The following PPFIA2 variants were observed in gnomAD, a reference collection of about 807,000 sequenced individuals.
PPFIA2 encodes the protein liprin-alpha-2.
A neutral mutation model predicts 175.5 loss-of-function variants in PPFIA2; 46 were observed. The ratio of observed to expected loss-of-function variants is 0.26; its 90% CI spans 0.21 to 0.34. The LOEUF (loss-of-function observed/expected upper bound fraction) is 0.34, where lower values mean the gene tolerates loss of function less well. PPFIA2 is among the 10% of genes least tolerant of loss of function. The probability of loss-of-function intolerance (pLI) is 1.00; values close to 1 mark genes in which losing one functional copy is unlikely to be tolerated. For missense variants in PPFIA2, 1,179 were observed against 1,506.1 expected (o/e 0.78, Z 3.60); for synonymous variants, 568 against 511.4 (o/e 1.11, Z -1.49).
At position 81,395,531 on chromosome 12, in the gene PPFIA2, T is replaced by C. The variant is rs577433028; in HGVS notation, c.762+10256A>G. ...AATCCTTAGAACCAAGATCTGTCTCTGACCTTCCTCTCCTCCCTTTCTCTC... is the reference window on the plus strand; with the variant it reads ...AATCCTTAGAACCAAGATCTGTCTCCGACCTTCCTCTCCTCCCTTTCTCTC... On this transcript the variant is annotated intron_variant, in intron 8 of 32. Coordinates refer to ENST00000549396, the MANE Select transcript of PPFIA2 (RefSeq NM_003625.5). Among the ~76,000 whole-genome samples, 11 of 147,612 alleles carry C rather than the reference T, an allele frequency of 7.5e-5. No homozygotes were observed. The East Asian group carries it at 1.7e-3, about 23-fold the overall frequency.
intron 4 of PPFIA2, among the ~76,000 whole-genome samples, chr12:81,508,320 G>A (rs1343899209): frequency 2.0e-5 from 3 of 151,756 alleles, no homozygotes; most frequent in East Asian, 1.9e-4. Context: ...TCGGGAGGTC[G>A]AGACCAGCCT....
At chr12:81,359,201 T>G (rs1486050486) in intron 15 of PPFIA2, among the ~76,000 whole-genome samples, 3 of 152,042 alleles carry the variant, frequency 2.0e-5, no homozygotes, top group African/African-American at 4.8e-5. Flanking sequence ...ACTCTCTTTT[T>G]CAGTTATTCT....
At chr12:81,386,301 A>AC (rs2038926770) in intron 8 of PPFIA2, among the ~76,000 whole-genome samples, 2 of 149,714 alleles carry the variant, frequency 1.3e-5, no homozygotes, top group Non-Finnish European at 3.0e-5. Flanking sequence ...ATAAATAAAT[A>AC]AATAAATAAA....
chr12:81,407,073 A>C (rs1192425558), intron 7 of PPFIA2, among the ~76,000 whole-genome samples: 1 of 152,184 alleles, frequency 6.6e-6, no homozygotes, highest in Non-Finnish European at 1.5e-5. Context: ...AACTGTAAAC[A>C]CCAAATAATT....
intron 4 of PPFIA2, among the ~76,000 whole-genome samples, chr12:81,476,247 G>A (rs910770043): frequency 1.3e-5 from 2 of 152,200 alleles, no homozygotes; most frequent in Non-Finnish European, 2.9e-5. Context: ...TGAAAGTGAT[G>A]TTGAGAGTTT....
intron 3 of PPFIA2, among the ~76,000 whole-genome samples, chr12:81,682,041 G>A (rs2073737006): frequency 1.3e-5 from 2 of 151,946 alleles, no homozygotes; most frequent in African/African-American, 4.8e-5. Flanking sequence ...TCAATTATGG[G>A]CATTTTAAAA....
intron 4 of PPFIA2, among the ~76,000 whole-genome samples, chr12:81,588,224 A>G (rs1422023093): frequency 6.6e-6 from 1 of 152,072 alleles, no homozygotes; most frequent in African/African-American, 2.4e-5. Context: ...TATAAAATAA[A>G]GCTAATACAC....
intron 4 of PPFIA2, among the ~76,000 whole-genome samples, chr12:81,609,543 T>C (rs2060674930): frequency 6.6e-6 from 1 of 152,206 alleles, no homozygotes; most frequent in Non-Finnish European, 1.5e-5. Flanking sequence ...TCATTGTCCT[T>C]CTTAATTTTT....
chr12:81,649,703 A>G (rs1378560223), intron 4 of PPFIA2, among the ~76,000 whole-genome samples: 2 of 152,238 alleles, frequency 1.3e-5, no homozygotes, highest in Non-Finnish European at 2.9e-5. Flanking sequence ...ACAGAAAACT[A>G]TTCAACAATA....
chr12:81,407,387 C>A (rs1473737046), intron 7 of PPFIA2, among the ~76,000 whole-genome samples: 1 of 151,522 alleles, frequency 6.6e-6, no homozygotes, highest in Non-Finnish European at 1.5e-5. Context: ...GGAGGCTGAG[C>A]CAGGAGAATC....
At chr12:81,481,600 T>A (rs2058236681) in intron 4 of PPFIA2, among the ~76,000 whole-genome samples, 1 of 152,066 alleles carries the variant, frequency 6.6e-6, no homozygotes, top group Non-Finnish European at 1.5e-5. Flanking sequence ...TCTACCACTA[T>A]CTGATCTTTG....
At chr12:81,264,876 C>T (rs572358239) in intron 30 of PPFIA2, among the ~76,000 whole-genome samples, 47 of 152,300 alleles carry the variant, frequency 3.1e-4, no homozygotes, top group Non-Finnish European at 6.5e-4. Context: ...GCAGCCTCTA[C>T]GACTTCTTGA....
intron 4 of PPFIA2, among the ~76,000 whole-genome samples, chr12:81,497,476 G>T (rs1171771599): frequency 6.6e-6 from 1 of 150,424 alleles, no homozygotes; most frequent in Non-Finnish European, 1.5e-5. Flanking sequence ...TAGAAAAAGG[G>T]TCTCCTGCCT....
At chr12:81,264,763 GCA>G (rs746895470) in intron 30 of PPFIA2, among the ~76,000 whole-genome samples, 14 of 152,206 alleles carry the variant, frequency 9.2e-5, no homozygotes, top group Non-Finnish European at 1.8e-4. Context: ...TAGCCATTTT[GCA>G]CATTAAGAGA....
intron 4 of PPFIA2, among the ~76,000 whole-genome samples, chr12:81,561,517 C>A (rs185091992): frequency 0.015 from 2,236 of 151,330 alleles, 47 homozygotes; most frequent in East Asian, 0.042. Flanking sequence ...AGTCCCCCCC[C>A]AAAAAAAACG....
At chr12:81,370,509 T>C (rs1189260965) in intron 11 of PPFIA2, among the ~76,000 whole-genome samples, 1 of 151,912 alleles carries the variant, frequency 6.6e-6, no homozygotes, top group Non-Finnish European at 1.5e-5. Context: ...TTGACAACAA[T>C]GCTGTGAGAA....
chr12:81,541,989 A>G (rs879417761), intron 4 of PPFIA2, among the ~76,000 whole-genome samples: 1 of 151,900 alleles, frequency 6.6e-6, no homozygotes, highest in Non-Finnish European at 1.5e-5. Context: ...TTTAATATAG[A>G]TGTAGATGGA....
chr12:81,648,003 A>C (rs1022589894), intron 4 of PPFIA2, among the ~76,000 whole-genome samples: 3 of 144,904 alleles, frequency 2.1e-5, no homozygotes, highest in African/African-American at 7.6e-5. Flanking sequence ...AACCAAAAGG[A>C]AAAAAAAAAC....
At chr12:81,500,724 C>T (rs1413580871) in intron 4 of PPFIA2, among the ~76,000 whole-genome samples, 6 of 152,084 alleles carry the variant, frequency 3.9e-5, no homozygotes, top group East Asian at 1.9e-4. Flanking sequence ...ATAGAGTTTC[C>T]GTTTCAAAAA....
Sources: gnomAD v4.1 joint callset for allele counts (sites outside exome capture counted in the v4.1 genomes callset) on GRCh38, gnomAD v4.1.1 for gene constraint, MANE v1.5 for transcripts, NCBI Gene and HGNC (gene_info 2026-07-23, HGNC 2026-07-21) for gene names.